SYNJ2BP: variants seen among roughly 807,000 people sequenced by gnomAD.
SYNJ2BP encodes synaptojanin-2-binding protein.
In SYNJ2BP, 10 loss-of-function variants were observed where a neutral mutation model predicts 16.9. The ratio of observed to expected loss-of-function variants is 0.59; its 90% CI spans 0.36 to 1.00. The LOEUF (loss-of-function observed/expected upper bound fraction) is 1.00, where lower values mean the gene tolerates loss of function less well. SYNJ2BP is among the 50% of genes least tolerant of loss of function. The pLI is 0.01. For synonymous variants in SYNJ2BP, 54 were observed against 68.4 expected (o/e 0.79, Z 1.04); for missense variants, 162 against 186.7 (o/e 0.87, Z 0.77).
chr14:70,413,298 T>C (rs1006427445), intron 1 of SYNJ2BP, among the ~76,000 whole-genome samples: 2 of 152,172 alleles, frequency 1.3e-5, no homozygotes, highest in Admixed American at 6.5e-5. Flanking sequence ...AGAGATTCCA[T>C]GCTATTAGGT....
chr14:70,378,088 A>G (rs552313910), intron 2 of SYNJ2BP, among the ~76,000 whole-genome samples: 8 of 84,178 alleles, frequency 9.5e-5, no homozygotes, highest in Admixed American at 3.7e-4. Context: ...ATCTTGGCAT[A>G]TGAACACTTA....
At position 70,416,951 on chromosome 14, in the gene SYNJ2BP, C is replaced by G. The variant is rs1374960799; in HGVS notation, c.13G>C (p.Val5Leu). Residue 5 changes from valine (V) to leucine (L), a missense_variant, in exon 1 of 4, where the codon GTG becomes CTG. Val to Leu is a conservative substitution (Grantham distance 32, BLOSUM62 1). Transcript: ENST00000256366. MNGR[V>L]DYLVTEEEIN... The stretch of plus-strand genomic sequence containing the variant: ...TCTTCCTCAGTGACCAAATAATCCA[C>G]TCTTCCGTTCATGTTTTACAGCTCG... 1.9e-6 allele frequency: 3 copies of G among 1,614,086 alleles called. No homozygotes were observed. Among genetic ancestry groups the G allele is most frequent in the Non-Finnish European group, 1.7e-6 (2 of 1,180,040 alleles).
chr14:70,374,958 T>G (rs1887593937), intron 3 of SYNJ2BP, among the ~76,000 whole-genome samples: 1 of 147,380 alleles, frequency 6.8e-6, no homozygotes, highest in Non-Finnish European at 1.5e-5. Context: ...TTTATTATTA[T>G]TTTTTTAAGA....
At chr14:70,408,535 T>C (rs1296869528) in intron 1 of SYNJ2BP, among the ~76,000 whole-genome samples, 2 of 151,892 alleles carry the variant, frequency 1.3e-5, no homozygotes, top group Non-Finnish European at 2.9e-5. Context: ...TAGCCAGGTG[T>C]GGTAGCGGGC....
At chr14:70,373,396 T>C (rs1269927685) in intron 3 of SYNJ2BP, among the ~76,000 whole-genome samples, 1 of 152,198 alleles carries the variant, frequency 6.6e-6, no homozygotes, top group East Asian at 1.9e-4. Context: ...GTAATTTCTG[T>C]TTCTGTACTG....
At chr14:70,403,348 C>T (rs1159610153) in intron 1 of SYNJ2BP, among the ~76,000 whole-genome samples, 4 of 152,162 alleles carry the variant, frequency 2.6e-5, no homozygotes, top group Non-Finnish European at 5.9e-5. Flanking sequence ...TTGTCAGAGG[C>T]GTTTAAACCA....
rs2139459372 is a variant in SYNJ2BP at position 70,416,806 on chromosome 14, C to G, written c.64+94G>C. 52 of 1,594,322 alleles carry G rather than the reference C, an allele frequency of 3.3e-5. 2 individuals are homozygous for G. In the South Asian group the frequency reaches 5.6e-4, roughly 17 times the overall value. Reference sequence around the variant, plus strand: ...AAACCTCTAGGTTGTGGCCTGCCCGCCCCGAGGCCAGGTGAATCCGGCTCA... The same window carrying G: ...AAACCTCTAGGTTGTGGCCTGCCCGGCCCGAGGCCAGGTGAATCCGGCTCA... On this transcript the variant is annotated intron_variant, in intron 1 of 3. Coordinates refer to ENST00000256366, the MANE Select transcript of SYNJ2BP (RefSeq NM_018373.3).
chr14:70,375,186 CTTT>C (rs759223013), intron 3 of SYNJ2BP, among the ~76,000 whole-genome samples: 5 of 144,412 alleles, frequency 3.5e-5, no homozygotes, highest in Non-Finnish European at 7.6e-5. Context: ...GTGAATTTCT[CTTT>C]TTTTTCTCTT....
At chr14:70,377,335 C>A (rs1887653410) in intron 2 of SYNJ2BP, among the ~76,000 whole-genome samples, 1 of 152,126 alleles carries the variant, frequency 6.6e-6, no homozygotes, top group Non-Finnish European at 1.5e-5. Context: ...CTTTTCTTGC[C>A]ATCATTAAGT....
chr14:70,410,183 G>A (rs1220918312), intron 1 of SYNJ2BP, among the ~76,000 whole-genome samples: 1 of 152,152 alleles, frequency 6.6e-6, no homozygotes, highest in African/African-American at 2.4e-5. Context: ...AGGAGGCCGA[G>A]GTGGGTGAAT....
rs1392877327 is a variant in SYNJ2BP, at chr14:70,368,936, T to C, written c.*4055A>G. 6.6e-6 allele frequency: 1 copy of C among 152,142 alleles called. No individual in the cohort carries two copies. Among genetic ancestry groups the C allele is most frequent in the Non-Finnish European group, 1.5e-5 (1 of 68,042 alleles). 9.4% of individuals were successfully genotyped at this position (152,142 alleles called of 1,614,324 possible). A position where few individuals can be genotyped will look rare whatever the true frequency, so the allele number is the denominator to read the frequency against. Reference sequence around the variant, plus strand: ...CGTTTATAAGCTCTCCAGATGATTCTAACCTGAGCAAAGGGAATGATGACT... The same window carrying C: ...CGTTTATAAGCTCTCCAGATGATTCCAACCTGAGCAAAGGGAATGATGACT... On this transcript the variant is annotated 3_prime_UTR_variant, in exon 4 of 4. Coordinates refer to ENST00000256366, the MANE Select transcript of SYNJ2BP (RefSeq NM_018373.3).
At position 70,385,350 on chromosome 14, in the gene SYNJ2BP, T is replaced by TTTTTA. The variant is rs144302527; in HGVS notation, c.201+3115_201+3119dup. 3.3e-3 allele frequency among the ~76,000 whole-genome samples: 500 copies of TTTTTA among 151,946 alleles called. 3 individuals are homozygous for TTTTTA. Among genetic ancestry groups the TTTTTA allele is most frequent in the African/African-American group, 0.011 (457 of 41,398 alleles). On this transcript the variant is annotated intron_variant, in intron 2 of 3. Transcript: ENST00000256366. Reference sequence around the variant, plus strand: ...GAATTTCAGTTTTTATCTTATTTTATTTTTATTTTATTTTATTTTATTTTG... The same window carrying TTTTTA: ...GAATTTCAGTTTTTATCTTATTTTATTTTTATTTTATTTTATTTTATTTTATTTTG...
intron 1 of SYNJ2BP, among the ~76,000 whole-genome samples, chr14:70,412,892 AC>A (rs1348621169): frequency 2.6e-5 from 4 of 152,256 alleles, no homozygotes; most frequent in African/African-American, 9.6e-5. Flanking sequence ...GTGCAAAAAA[AC>A]ATATTAAACA....
At chr14:70,374,191 G>T (rs915607117) in intron 3 of SYNJ2BP, among the ~76,000 whole-genome samples, 2 of 152,188 alleles carry the variant, frequency 1.3e-5, no homozygotes, top group African/African-American at 2.4e-5. Context: ...TAATCATATT[G>T]AAGTGTGTCC....
At chr14:70,415,173 T>TTA (rs1555349951) in intron 1 of SYNJ2BP, among the ~76,000 whole-genome samples, 4 of 137,008 alleles carry the variant, frequency 2.9e-5, no homozygotes, top group Non-Finnish European at 6.1e-5. Flanking sequence ...ACCTCGTCTC[T>TTA]AAAAAAAAAA....
chr14:70,372,886 T>C lies in SYNJ2BP; in HGVS notation c.*105A>G. The C allele has an allele frequency of 6.5e-7, 1 of 1,534,068 alleles. No individual in the cohort carries two copies. Among genetic ancestry groups the C allele is most frequent in the Non-Finnish European group, 8.8e-7 (1 of 1,139,318 alleles). On this transcript the variant is annotated 3_prime_UTR_variant, in exon 4 of 4. Transcript: ENST00000256366. The stretch of plus-strand genomic sequence containing the variant: ...AAGGTTTGGGGTGGGTATCAGTCAC[T>C]TCAAATCTGGCTATGCAGAGAGAGG...
At chr14:70,392,848 G>C (rs1888008773) in intron 1 of SYNJ2BP, among the ~76,000 whole-genome samples, 1 of 152,176 alleles carries the variant, frequency 6.6e-6, no homozygotes, top group African/African-American at 2.4e-5. Flanking sequence ...ACCAGAAAGG[G>C]AAAGGCTATT....
At chr14:70,393,733 C>T (rs542432123) in intron 1 of SYNJ2BP, among the ~76,000 whole-genome samples, 1 of 150,520 alleles carries the variant, frequency 6.6e-6, no homozygotes, top group Non-Finnish European at 1.5e-5. Context: ...TTCTCACTCA[C>T]ATAAGTGGGA....
At chr14:70,379,425 CACTG>C (rs1334796399) in intron 2 of SYNJ2BP, among the ~76,000 whole-genome samples, 1 of 152,174 alleles carries the variant, frequency 6.6e-6, no homozygotes, top group Non-Finnish European at 1.5e-5. Flanking sequence ...TCACATAACT[CACTG>C]ACTGGGACAT....
Sources: allele counts gnomAD v4.1 joint callset (sites outside exome capture counted in the v4.1 genomes callset), GRCh38; gene constraint gnomAD v4.1.1; transcripts MANE v1.5; gene names NCBI Gene and HGNC (gene_info 2026-07-23, HGNC 2026-07-21).